NEB: variants seen among roughly 807,000 people sequenced by gnomAD.
NEB encodes the protein nebulin, also known as nemaline myopathy type 2.
Under a neutral mutation model 952.2 loss-of-function variants are expected in NEB, and 512 were observed. The observed-to-expected ratio is 0.54, with a 90% CI of 0.50 to 0.58. NEB has a LOEUF of 0.58. Among genes scored for constraint, NEB ranks in the 20% least tolerant of loss-of-function variants. NEB has a pLI of 0.00. For synonymous variants in NEB, 2,900 were observed against 3,149.8 expected (o/e 0.92, Z 2.66); for missense variants, 8,428 against 9,231.1 (o/e 0.91, Z 3.56).
Position 151,697,130 on chromosome 2 carries a change from T to A in NEB, c.1470+18A>T. The A allele has an allele frequency of 6.3e-7, 1 of 1,578,166 alleles. No individual in the cohort carries two copies. The highest frequency in any genetic ancestry group is 1.1e-5 in the South Asian group (1 of 88,858). On this transcript the variant is annotated intron_variant, in intron 16 of 181. Transcript: ENST00000397345. ...CTATGGAAGGCAGTCACATTCAAAG[T>A]TCAGACTACAGACTTACGTCTTTAC...
At position 151,535,005 on chromosome 2, in the gene NEB, CTG is replaced by C. The variant is rs919740526; in HGVS notation, c.21312+684_21312+685del. On this transcript the variant is annotated intron_variant, in intron 142 of 181. Coordinates refer to ENST00000397345, the MANE Select transcript of NEB (RefSeq NM_001164508.2). ...CACGGAATTTTTGAACTTACAGAAA[CTG>C]TAAAAAATCTGAAAATAGGAAATTA... Among the ~76,000 whole-genome samples, 60 of 152,248 alleles carry C rather than the reference CTG, an allele frequency of 3.9e-4. 1 individual carries two copies. The highest frequency in any genetic ancestry group is 1.4e-3 in the African/African-American group (57 of 41,546).
At chr2:151,538,048 A>G (rs1277119234) in intron 139 of NEB, 72 bp from the exon 140 acceptor site, 1 of 1,518,724 alleles carries the variant, frequency 6.6e-7, no homozygotes, top group Non-Finnish European at 9.1e-7. Context: ...CTTTCTGGAG[A>G]ATTTCAGAAG....
intron 156 of NEB, among the ~76,000 whole-genome samples, chr2:151,517,373 C>T (rs888446266): frequency 6.6e-6 from 1 of 152,228 alleles, no homozygotes; most frequent in African/African-American, 2.4e-5. Context: ...GGGGCACATA[C>T]TGCCCTACAG....
At chr2:151,684,672 G>A in intron 28 of NEB, 106 bp downstream of exon 28, 1 of 1,097,252 alleles carries the variant, frequency 9.1e-7, no homozygotes, top group East Asian at 2.6e-5. Context: ...ACATACATAG[G>A]ACAATGCAGA....
intron 64 of NEB, among the ~76,000 whole-genome samples, chr2:151,635,348 T>C (rs2098736357): frequency 6.6e-6 from 1 of 152,186 alleles, no homozygotes; most frequent in African/African-American, 2.4e-5. Context: ...CCGTCATTTG[T>C]TCCTCAAGAA....
rs1378031906 is a variant in NEB at position 151,547,676 on chromosome 2, A to G, written c.20220T>C (p.Pro6740=). 1.9e-6 allele frequency: 3 copies of G among 1,613,660 alleles called. No individual in the cohort carries two copies. The highest frequency in any genetic ancestry group is 2.5e-6 in the Non-Finnish European group (3 of 1,179,830). ...GTGTCTTCTTGACTTGGCGGATCTCAGGGGTATCGGGAGTTGTATGGATCT... is the reference window on the plus strand; with the variant it reads ...GTGTCTTCTTGACTTGGCGGATCTCGGGGGTATCGGGAGTTGTATGGATCT... ...KDKIHTTPDT[P]EIRQVKKTQE... Residue 6740 remains proline, a synonymous_variant, in exon 132 of 182, where the codon CCT becomes CCC. Coordinates refer to ENST00000397345, the MANE Select transcript of NEB (RefSeq NM_001164508.2).
At position 151,525,242 on chromosome 2, in the gene NEB, T is replaced by C; in HGVS notation, c.22193A>G (p.Lys7398Arg). The C allele has an allele frequency of 1.2e-6, 2 of 1,613,912 alleles. No homozygotes were observed. The highest frequency in any genetic ancestry group is 1.1e-5 in the South Asian group (1 of 91,080). The change falls in exon 151 of 182, where the codon AAA (lysine) becomes AGA (arginine). Residue 7398 changes from lysine to arginine, a missense_variant. By Grantham distance (26) the Lys-to-Arg change is conservative. This residue lies in a region of NEB where 3,374 missense variants were observed against 3,651.5 expected (regional missense o/e 0.92). Transcript: ENST00000397345. ...CATGATGGAGTAGTTGGATTTTCCT[T>C]TCTCCTTGACAAACTTCTTTTTGTA... ...TNYKKKFVKE[K>R]GKSNYSIMLE...
chr2:151,612,300 T>C lies in NEB; in HGVS notation c.11691A>G (p.Gly3897=), dbSNP rs2098010275. The C allele has an allele frequency of 6.2e-7, 1 of 1,613,742 alleles. No homozygotes were observed. Among genetic ancestry groups the C allele is most frequent in the African/African-American group, 1.3e-5 (1 of 74,926 alleles). ...GATACTTCCTGTCACTCAGGATTTC[T>C]CCAGCTCTCTTCACTTTCTCGACCT... ...SVEVEKVKRA[G]EILSDRKYRQ... is the part of the protein sequence containing the mutation. Residue 3897 remains glycine (G), a synonymous_variant, in exon 78 of 182, where the codon GGA becomes GGG. Transcript: ENST00000397345.
intron 41 of NEB, among the ~76,000 whole-genome samples, 191 bp from the exon 42 acceptor site, chr2:151,665,730 G>A (rs1380273622): frequency 1.3e-5 from 2 of 152,096 alleles, no homozygotes; most frequent in Non-Finnish European, 2.9e-5. Context: ...TTTTGAACAG[G>A]AAATCCTGAC....
intron 70 of NEB, 110 bp from the exon 71 acceptor site, chr2:151,625,748 C>T (rs1479046836): frequency 1.7e-6 from 1 of 592,954 alleles, no homozygotes; most frequent in Non-Finnish European, 2.8e-6. Flanking sequence ...GCTGTCTGTT[C>T]CATGTATGTT....
chr2:151,725,754 G>A (rs2099788687), intron 5 of NEB, among the ~76,000 whole-genome samples, 194 bp from the exon 6 acceptor site: 1 of 152,042 alleles, frequency 6.6e-6, no homozygotes, highest in African/African-American at 2.4e-5. Flanking sequence ...AAACATGGTT[G>A]GATCTTGGAG....
intron 169 of NEB, among the ~76,000 whole-genome samples, chr2:151,498,769 CACAT>C (rs1379826720): frequency 1.3e-5 from 2 of 152,034 alleles, no homozygotes; most frequent in Non-Finnish European, 2.9e-5. Flanking sequence ...TATATGGAGA[CACAT>C]ACACACAACT....
In NEB at chr2:151,546,418, A is replaced by G; in HGVS notation, c.20393T>C (p.Val6798Ala). Residue 6798 changes from valine to alanine, a missense_variant, in exon 134 of 182, where the codon GTC becomes GCC. This residue lies in a region of NEB where 3,374 missense variants were observed against 3,651.5 expected (regional missense o/e 0.92). Coordinates refer to ENST00000397345, the MANE Select transcript of NEB (RefSeq NM_001164508.2). ...SDIKYKEDLQVLKGFGCFLYD... is the reference protein window; with the variant it reads ...SDIKYKEDLQALKGFGCFLYD... Reference sequence around the variant, plus strand: ...CAGGAAGCAGCCAAATCCCTTCAGGACCTGCAAGTCCTCTTTGTATTTAAT... The same window carrying G: ...CAGGAAGCAGCCAAATCCCTTCAGGGCCTGCAAGTCCTCTTTGTATTTAAT... 6.2e-7 allele frequency: 1 copy of G among 1,613,476 alleles called. No homozygotes were observed. The highest frequency in any genetic ancestry group is 1.7e-5 in the Admixed American group (1 of 60,012).
intron 9 of NEB, among the ~76,000 whole-genome samples, 167 bp downstream of exon 9, chr2:151,723,214 CT>C (rs2099779888): frequency 6.6e-6 from 1 of 152,146 alleles, no homozygotes; most frequent in African/African-American, 2.4e-5. Flanking sequence ...TAAATTATAT[CT>C]AATTTAAATG....
intron 13 of NEB, among the ~76,000 whole-genome samples, chr2:151,705,256 A>C (rs2099700442): frequency 6.6e-6 from 1 of 152,204 alleles, no homozygotes; most frequent in South Asian, 2.1e-4. Context: ...GAACAAGAAG[A>C]AGCAATGATT....
chr2:151,566,611 G>A (rs2096409390), intron 114 of NEB, among the ~76,000 whole-genome samples: 1 of 152,224 alleles, frequency 6.6e-6, no homozygotes, highest in South Asian at 2.1e-4. Context: ...TCAGGCTTCA[G>A]TGGGAGGTAG....
chr2:151,680,372 A>AT (rs5835376), intron 30 of NEB, among the ~76,000 whole-genome samples: 19 of 145,886 alleles, frequency 1.3e-4, no homozygotes, highest in African/African-American at 4.5e-4. Flanking sequence ...ATTATATATG[A>AT]TTTTTTTTTT....
intron 27 of NEB, among the ~76,000 whole-genome samples, chr2:151,686,207 T>C (rs893621998): frequency 6.6e-6 from 1 of 152,214 alleles, no homozygotes; most frequent in Admixed American, 6.5e-5. Context: ...TACCAGTACA[T>C]ATAAAATGTT....
chr2:151,631,192 T>C lies in NEB; in HGVS notation c.9569A>G (p.Asp3190Gly). ...CTTGGCCAGCACCTGCTCTAGAGAA[T>C]CAGTCACACTGGTAAATTTCAGCTT... ...PDKLKFTSVT[D>G]SLEQVLAKNN... The change falls in exon 66 of 182, where the codon GAT becomes GGT. Residue 3190 changes from aspartate to glycine, a missense_variant. By Grantham distance (94) the Asp-to-Gly change is moderately conservative (BLOSUM62 -1). Transcript: ENST00000397345. The C allele has an allele frequency of 6.2e-7, 1 of 1,613,974 alleles. No homozygotes were observed.
Sources: allele counts gnomAD v4.1 joint callset (sites outside exome capture counted in the v4.1 genomes callset), GRCh38; gene constraint gnomAD v4.1.1; regional missense constraint gnomAD v4.1.1; transcripts MANE v1.5; gene names NCBI Gene and HGNC (gene_info 2026-07-23, HGNC 2026-07-21).